Variants in AGTPBP1 observed in about 807,000 individuals in gnomAD.
AGTPBP1 encodes the protein ATP/GTP binding carboxypeptidase 1, also known as cytosolic carboxypeptidase 1.
Under a neutral mutation model 143.9 loss-of-function variants are expected in AGTPBP1, and 70 were observed. That is an observed-to-expected ratio of 0.49 (90% CI 0.40 to 0.59). The LOEUF (loss-of-function observed/expected upper bound fraction) is 0.59, where lower values mean the gene tolerates loss of function less well. Ranked by LOEUF, AGTPBP1 falls within the 20% of genes least tolerant of loss-of-function variation. AGTPBP1 has a pLI of 0.00. For missense variants in AGTPBP1, 1,229 were observed against 1,464.5 expected (o/e 0.84, Z 2.62); for synonymous variants, 463 against 500.2 (o/e 0.93, Z 0.99).
chr9:85,763,980 A>C, the AGTPBP1 span, among the ~76,000 whole-genome samples: 2 of 152,222 alleles, frequency 1.3e-5, no homozygotes, highest in South Asian at 2.1e-4. Context: ...GATCAGAATG[A>C]AATACGAGTA....
chr9:85,723,853 C>T (rs1334055182), intron 1 of AGTPBP1, among the ~76,000 whole-genome samples: 2 of 152,102 alleles, frequency 1.3e-5, no homozygotes, highest in African/African-American at 4.8e-5. Context: ...CTAAAAGAAA[C>T]CCTAGAGAAA....
rs148796155 is a variant in AGTPBP1, at chr9:85,620,029, CCT to C, written c.2100-730_2100-729del. Among the ~76,000 whole-genome samples the C allele has an allele frequency of 3.3e-3, 499 of 152,206 alleles. 3 individuals carry two copies. The highest frequency in any genetic ancestry group is 0.012 in the African/African-American group (480 of 41,518). On this transcript the variant is annotated intron_variant, in intron 15 of 25. Coordinates refer to ENST00000357081, the MANE Select transcript of AGTPBP1 (RefSeq NM_001330701.2). The stretch of plus-strand genomic sequence containing the variant: ...AATTAAATAAATAAGGTATATGTTT[CCT>C]CTTTTTTATAACAGTATTATTTCAA...
rs1564092935 is a variant in AGTPBP1, at chr9:85,639,373, A to ATG, written c.1302+3453_1302+3454insCA. On this transcript the variant is annotated intron_variant, in intron 13 of 25. Transcript: ENST00000357081. The stretch of plus-strand genomic sequence containing the variant: ...CACCCATGCGCGCGCACGCGCACAC[A>ATG]CACACACACACACACACACACACAC... Among the ~76,000 whole-genome samples, 28 of 149,842 alleles carry ATG rather than the reference A, an allele frequency of 1.9e-4. No homozygotes were observed. The East Asian group carries it at 4.3e-3, about 23-fold the overall frequency.
chr9:85,660,878 TAATA>T, intron 9 of AGTPBP1, 54 bp downstream of exon 9: 8 of 1,248,624 alleles, frequency 6.4e-6, no homozygotes, highest in Non-Finnish European at 3.3e-6. Flanking sequence ...TTCTTTAACA[TAATA>T]AATAGAATTC....
chr9:85,753,685 G>A, the AGTPBP1 span, among the ~76,000 whole-genome samples: 11 of 151,834 alleles, frequency 7.2e-5, no homozygotes, highest in East Asian at 1.2e-3. Context: ...CCTGGAGGTG[G>A]AGGCTGCAGT....
chr9:85,755,828 C>G, the AGTPBP1 span, among the ~76,000 whole-genome samples: 1 of 152,150 alleles, frequency 6.6e-6, no homozygotes, highest in Non-Finnish European at 1.5e-5. Flanking sequence ...CTTCGTCAGG[C>G]TAAAAAATCC....
At chr9:85,769,908 G>A in the AGTPBP1 span, among the ~76,000 whole-genome samples, 1 of 152,152 alleles carries the variant, frequency 6.6e-6, no homozygotes, top group Non-Finnish European at 1.5e-5. Context: ...TGCTAATCCT[G>A]TGGGCTTAGG....
At chr9:85,758,385 C>G in the AGTPBP1 span, among the ~76,000 whole-genome samples, 2 of 152,278 alleles carry the variant, frequency 1.3e-5, no homozygotes, top group African/African-American at 4.8e-5. Context: ...TGGCTCACAC[C>G]TGTAATCCCA....
intron 3 of AGTPBP1, among the ~76,000 whole-genome samples, chr9:85,686,087 TG>T (rs2134203596): frequency 6.6e-6 from 1 of 151,936 alleles, no homozygotes; most frequent in South Asian, 2.1e-4. Flanking sequence ...AAAATAAAAT[TG>T]TAGACCTAAA....
At chr9:85,781,507 G>A in the AGTPBP1 span, 102 of 909,542 alleles carry the variant, frequency 1.1e-4, 1 homozygote, top group African/African-American at 1.3e-3. Flanking sequence ...AACAAAAATC[G>A]TTGTCTAAGG....
rs190481326 is a variant in AGTPBP1, at chr9:85,683,970, A to C, written c.158-2635T>G. Reference sequence around the variant, plus strand: ...ATTTTCCCACCACAAACCCTGATACAGAAGTGAATCCCAAAAAGCTGAGTT... The same window carrying C: ...ATTTTCCCACCACAAACCCTGATACCGAAGTGAATCCCAAAAAGCTGAGTT... On this transcript the variant is annotated intron_variant, in intron 3 of 25. Coordinates refer to ENST00000357081, the MANE Select transcript of AGTPBP1 (RefSeq NM_001330701.2). Among the ~76,000 whole-genome samples the C allele has an allele frequency of 6.0e-3, 910 of 151,504 alleles. 10 individuals are homozygous for C. The highest frequency in any genetic ancestry group is 8.0e-3 in the Non-Finnish European group (543 of 67,918).
At chr9:85,651,015 T>C (rs977997137) in intron 11 of AGTPBP1, among the ~76,000 whole-genome samples, 1 of 152,222 alleles carries the variant, frequency 6.6e-6, no homozygotes, top group Non-Finnish European at 1.5e-5. Flanking sequence ...TATCCTGCTG[T>C]CTTAAGAGAC....
chr9:85,657,200 C>CAA (rs772108835), intron 10 of AGTPBP1, among the ~76,000 whole-genome samples: 36 of 127,596 alleles, frequency 2.8e-4, no homozygotes, highest in East Asian at 2.5e-3. Context: ...AAAAATAATA[C>CAA]AAAAAAAAAA....
chr9:85,676,213 C>T (rs1564132908), intron 6 of AGTPBP1, among the ~76,000 whole-genome samples: 1 of 151,912 alleles, frequency 6.6e-6, no homozygotes, highest in Non-Finnish European at 1.5e-5. Flanking sequence ...TGGTATCAAG[C>T]TAAAAAGCTT....
At chr9:85,777,822 C>A in the AGTPBP1 span, among the ~76,000 whole-genome samples, 1 of 152,220 alleles carries the variant, frequency 6.6e-6, no homozygotes, top group African/African-American at 2.4e-5. Context: ...CATATCTGGC[C>A]ATTTCTCCTT....
intron 1 of AGTPBP1, among the ~76,000 whole-genome samples, chr9:85,729,399 T>C (rs1838730952): frequency 1.3e-5 from 2 of 152,300 alleles, no homozygotes; most frequent in East Asian, 1.9e-4. Context: ...AAGACCTAAA[T>C]GTAAGACCTA....
At chr9:85,656,566 C>CA (rs1315352295) in intron 10 of AGTPBP1, among the ~76,000 whole-genome samples, 1 of 151,136 alleles carries the variant, frequency 6.6e-6, no homozygotes, top group Non-Finnish European at 1.5e-5. Flanking sequence ...CTGATATTTT[C>CA]AAAAAGACAG....
chr9:85,589,534 G>C lies in AGTPBP1; in HGVS notation c.2716C>G (p.His906Asp). ...GTTGGGAAGACAAACTTACTGAAAT[G>C]GCAGATATGTTCATAATAATTAGAC... ...PESNYYEHIC[H>D]FRNRPYVFLS... Residue 906 changes from histidine to aspartate, a missense_variant, in exon 20 of 26, where the codon CAT becomes GAT. Coordinates refer to ENST00000357081, the MANE Select transcript of AGTPBP1 (RefSeq NM_001330701.2). 1 of 1,601,604 alleles carries C rather than the reference G, an allele frequency of 6.2e-7. No individual in the cohort carries two copies. The highest frequency in any genetic ancestry group is 8.5e-7 in the Non-Finnish European group (1 of 1,175,956).
At chr9:85,641,005 C>T (rs143953856) in intron 13 of AGTPBP1, among the ~76,000 whole-genome samples, 93 of 152,224 alleles carry the variant, frequency 6.1e-4, no homozygotes, top group Middle Eastern at 3.4e-3. Context: ...TAGCATACCA[C>T]CATGGTCCAT....
Sources: gnomAD v4.1 joint callset for allele counts (sites outside exome capture counted in the v4.1 genomes callset) on GRCh38, gnomAD v4.1.1 for gene constraint, MANE v1.5 for transcripts, NCBI Gene and HGNC (gene_info 2026-07-23, HGNC 2026-07-21) for gene names.